The following LRRTM4 variants were observed in gnomAD, a reference collection of about 807,000 sequenced individuals.
The protein encoded by LRRTM4 is leucine-rich repeat transmembrane neuronal protein 4.
Under a neutral mutation model 47.6 loss-of-function variants are expected in LRRTM4, and 25 were observed. The ratio of observed to expected loss-of-function variants is 0.53; its 90% CI spans 0.38 to 0.73. The LOEUF is 0.73. Among genes scored for constraint, LRRTM4 ranks in the 30% least tolerant of loss-of-function variants. LRRTM4 has a pLI of 0.00. For missense variants in LRRTM4, 638 were observed against 713.4 expected, an observed-to-expected ratio of 0.89 and a Z score of 1.20; for synonymous variants, 311 against 269.5, an observed-to-expected ratio of 1.15 and a Z score of -1.51.
intron 3 of LRRTM4, among the ~76,000 whole-genome samples, chr2:77,386,574 A>G (rs1324196299): frequency 6.6e-6 from 1 of 152,134 alleles, no homozygotes; most frequent in African/African-American, 2.4e-5. Flanking sequence ...ATAAACATAC[A>G]TGTGCATGTG....
chr2:77,323,609 T>C (rs1173188386), intron 3 of LRRTM4, among the ~76,000 whole-genome samples: 1 of 152,166 alleles, frequency 6.6e-6, no homozygotes, highest in Non-Finnish European at 1.5e-5. Context: ...AAATGGTTCA[T>C]TGGGAGGCAG....
chr2:77,519,821 CA>C lies in LRRTM4; in HGVS notation c.47del (p.Leu16ArgfsTer53). 6.2e-7 allele frequency: 1 copy of C among 1,612,200 alleles called. No individual in the cohort carries two copies. Among genetic ancestry groups the C allele is most frequent in the Non-Finnish European group, 8.5e-7 (1 of 1,179,018 alleles). On this transcript the variant is annotated frameshift_variant, in exon 3 of 4. Coordinates refer to ENST00000409884, the MANE Select transcript of LRRTM4 (RefSeq NM_001134745.3). LOFTEE classifies it high-confidence loss of function. The surrounding 1 kb of genome is among the most constrained non-coding windows in gnomAD (Gnocchi z 4.6). ...ITQLKGMSVV[L>X]VLLPTLLLVM... The stretch of plus-strand genomic sequence containing the variant: ...CAAGCAGCAGTGTAGGAAGTAGCAC[CA>C]GCACCACACTCATGCCTTTCAGCTG...
At chr2:77,451,782 G>C (rs1010491149) in intron 3 of LRRTM4, among the ~76,000 whole-genome samples, 1 of 152,132 alleles carries the variant, frequency 6.6e-6, no homozygotes, top group Non-Finnish European at 1.5e-5. Context: ...GGAACAAAAG[G>C]TGAGAAGGAG....
chr2:77,021,903 C>T (rs1678289737), intron 3 of LRRTM4, among the ~76,000 whole-genome samples: 1 of 152,138 alleles, frequency 6.6e-6, no homozygotes, highest in Admixed American at 6.5e-5. Flanking sequence ...TCTATCACCA[C>T]TCATGCTGTA....
intron 3 of LRRTM4, among the ~76,000 whole-genome samples, chr2:77,163,543 C>T (rs1467814515): frequency 1.3e-5 from 2 of 151,884 alleles, no homozygotes; most frequent in African/African-American, 2.4e-5. Context: ...CCAAAGATGA[C>T]GTGAAGGAAA....
chr2:77,190,226 G>A (rs1185208735), intron 3 of LRRTM4, among the ~76,000 whole-genome samples: 1 of 150,284 alleles, frequency 6.7e-6, no homozygotes, highest in East Asian at 1.9e-4. Flanking sequence ...TTGTATATTG[G>A]TTGGAGATGG....
At chr2:77,292,459 A>C (rs1285376683) in intron 3 of LRRTM4, among the ~76,000 whole-genome samples, 2 of 152,074 alleles carry the variant, frequency 1.3e-5, no homozygotes, top group East Asian at 1.9e-4. Context: ...AATGTCCAAC[A>C]ATGATAGACT....
chr2:76,807,104 A>G (rs1353065236), intron 3 of LRRTM4, among the ~76,000 whole-genome samples: 4 of 152,056 alleles, frequency 2.6e-5, no homozygotes, highest in Non-Finnish European at 5.9e-5. Flanking sequence ...GTTAACTGCT[A>G]CAAACCTACC....
chr2:77,075,914 CAAAAAAAAAAAAAA>C (rs61718845), intron 3 of LRRTM4, among the ~76,000 whole-genome samples: 4 of 36,850 alleles, frequency 1.1e-4, no homozygotes, highest in Admixed American at 4.6e-4. Context: ...GACTCCGTCT[CAAAAAAAAAAAAAA>C]AAAAAAAAAA....
intron 3 of LRRTM4, among the ~76,000 whole-genome samples, chr2:76,905,120 C>G (rs1021170652): frequency 1.3e-5 from 2 of 152,122 alleles, no homozygotes; most frequent in Admixed American, 1.3e-4. Context: ...AGACTGACAC[C>G]TCACATGGCC....
intron 3 of LRRTM4, among the ~76,000 whole-genome samples, chr2:76,894,650 T>A (rs1470741475): frequency 1.3e-5 from 2 of 151,938 alleles, no homozygotes; most frequent in Non-Finnish European, 2.9e-5. Flanking sequence ...GTATTACAAA[T>A]AAAGCCACTA....
At chr2:76,959,082 G>A (rs1326568788) in intron 3 of LRRTM4, among the ~76,000 whole-genome samples, 1 of 151,596 alleles carries the variant, frequency 6.6e-6, no homozygotes, top group Non-Finnish European at 1.5e-5. Context: ...GCATAATCAG[G>A]CCTCTAAGCC....
Position 77,191,261 on chromosome 2 carries a change from T to G in LRRTM4, c.1551+327057A>C, listed in dbSNP as rs900688356. Among the ~76,000 whole-genome samples, 9 of 152,010 alleles carry G rather than the reference T, an allele frequency of 5.9e-5. No individual in the cohort carries two copies. In the South Asian group the frequency reaches 1.5e-3, roughly 25 times the overall value. On this transcript the variant is annotated intron_variant, in intron 3 of 3. Coordinates refer to ENST00000409884, the MANE Select transcript of LRRTM4 (RefSeq NM_001134745.3). The stretch of plus-strand genomic sequence containing the variant: ...CCGAAGTGTTTCTTTCAAAACACAC[T>G]CCTAGATAACTTCTCAATCAGAAAA...
At chr2:77,465,176 T>C (rs1036001167) in intron 3 of LRRTM4, among the ~76,000 whole-genome samples, 5 of 152,154 alleles carry the variant, frequency 3.3e-5, no homozygotes, top group African/African-American at 1.2e-4. Context: ...AGCTTTAGGA[T>C]TGATGTCTGG....
chr2:77,480,906 A>T (rs1159158273), intron 3 of LRRTM4, among the ~76,000 whole-genome samples: 4 of 149,750 alleles, frequency 2.7e-5, no homozygotes, highest in African/African-American at 7.4e-5. Flanking sequence ...TTCAAGTTGG[A>T]CCCTACGTCC....
chr2:77,165,989 G>A (rs1169803996), intron 3 of LRRTM4, among the ~76,000 whole-genome samples: 1 of 152,156 alleles, frequency 6.6e-6, no homozygotes, highest in African/African-American at 2.4e-5. Flanking sequence ...AGAAATAGAG[G>A]GAATTCAATT....
At chr2:76,902,174 A>G (rs1196490354) in intron 3 of LRRTM4, among the ~76,000 whole-genome samples, 2 of 152,286 alleles carry the variant, frequency 1.3e-5, no homozygotes, top group African/African-American at 4.8e-5. Context: ...GACAAAATTA[A>G]CAGTCCATCT....
chr2:76,799,244 T>A (rs1436879319), intron 3 of LRRTM4, among the ~76,000 whole-genome samples: 1 of 117,232 alleles, frequency 8.5e-6, no homozygotes, highest in Admixed American at 8.2e-5. Context: ...ATCAAAAAGC[T>A]TATCCACCAT....
At chr2:77,190,005 T>G (rs1288952561) in intron 3 of LRRTM4, among the ~76,000 whole-genome samples, 1 of 152,074 alleles carries the variant, frequency 6.6e-6, no homozygotes, top group African/African-American at 2.4e-5. Context: ...ATATGGAAAA[T>G]TCTAACTTTA....
Sources: allele counts gnomAD v4.1 joint callset (sites outside exome capture counted in the v4.1 genomes callset), GRCh38; gene constraint gnomAD v4.1.1; non-coding constraint Gnocchi (gnomAD v3.1); transcripts MANE v1.5; gene names NCBI Gene and HGNC (gene_info 2026-07-23, HGNC 2026-07-21).